RAB14: variants seen among roughly 807,000 people sequenced by gnomAD.
RAB14 encodes RAB14, member RAS oncogene family.
A neutral mutation model predicts 31.1 loss-of-function variants in RAB14; 3 were observed. The ratio of observed to expected loss-of-function variants is 0.10; its 90% CI spans 0.04 to 0.25. The LOEUF (loss-of-function observed/expected upper bound fraction) is 0.25, where lower values mean the gene tolerates loss of function less well. RAB14 is among the 10% of genes least tolerant of loss of function. The probability of loss-of-function intolerance (pLI) is 1.00; values close to 1 mark genes in which losing one functional copy is unlikely to be tolerated. For missense variants in RAB14, 111 were observed against 260.1 expected (o/e 0.43, Z 3.94); for synonymous variants, 85 against 84.9 (o/e 1.00, Z 0.00).
chr9:121,190,326 C>A (rs76874058), intron 4 of RAB14, among the ~76,000 whole-genome samples: 2 of 151,994 alleles, frequency 1.3e-5, no homozygotes, highest in Admixed American at 6.6e-5. Context: ...CTTCTATTAG[C>A]TTCACCCAAT....
chr9:121,189,788 G>A (rs1175835162), intron 4 of RAB14, among the ~76,000 whole-genome samples: 8 of 151,914 alleles, frequency 5.3e-5, no homozygotes, highest in Admixed American at 4.6e-4. Context: ...GGTCCCACTC[G>A]CCCATCTTTA....
intron 1 of RAB14, among the ~76,000 whole-genome samples, chr9:121,195,942 G>A (rs545719174): frequency 2.0e-5 from 3 of 151,980 alleles, no homozygotes; most frequent in African/African-American, 7.3e-5. Context: ...TACTAAATAG[G>A]CTTAATGTTG....
At chr9:121,198,283 C>T (rs973286793) in intron 1 of RAB14, among the ~76,000 whole-genome samples, 4 of 151,978 alleles carry the variant, frequency 2.6e-5, no homozygotes, top group Non-Finnish European at 4.4e-5. Context: ...CATAATATTC[C>T]CAACATTATT....
At chr9:121,198,002 C>G (rs1332598605) in intron 1 of RAB14, among the ~76,000 whole-genome samples, 1 of 145,084 alleles carries the variant, frequency 6.9e-6, no homozygotes, top group Non-Finnish European at 1.5e-5. Context: ...TTTTATGCAA[C>G]AGCATACCCC....
Position 121,181,585 on chromosome 9 carries a change from T to C in RAB14, c.471-12A>G, listed in dbSNP as rs1470820916. ...CTACATTCTCTCCCCTAAGAGGCAA[T>C]TGATAACTTTATTGGAGAACCACAG... On this transcript the variant is annotated splice_polypyrimidine_tract_variant and intron_variant, in intron 7 of 7. Coordinates refer to ENST00000373840, the MANE Select transcript of RAB14 (RefSeq NM_016322.4). 5.6e-6 allele frequency: 9 copies of C among 1,594,248 alleles called. No homozygotes were observed. The highest frequency in any genetic ancestry group is 2.2e-5 in the East Asian group (1 of 44,478).
In RAB14 at chr9:121,197,628, T is replaced by G. The variant is rs117812385; in HGVS notation, c.-8+4011A>C. Among the ~76,000 whole-genome samples the G allele has an allele frequency of 2.2e-4, 34 of 152,350 alleles. 2 individuals carry two copies. In the East Asian group the frequency reaches 6.5e-3, roughly 29 times the overall value. ...TACACAGACATATAAACGACTAGTTTTGAAACATGTAGGTACAGATGTGAA... is the reference window on the plus strand; with the variant it reads ...TACACAGACATATAAACGACTAGTTGTGAAACATGTAGGTACAGATGTGAA... On this transcript the variant is annotated intron_variant, in intron 1 of 7. Transcript: ENST00000373840.
At position 121,180,107 on chromosome 9, in the gene RAB14, T is replaced by A. The variant is rs1051972583; in HGVS notation, c.*1289A>T. 3 of 152,646 alleles carry A rather than the reference T, an allele frequency of 2.0e-5. No homozygotes were observed. Among genetic ancestry groups the A allele is most frequent in the Non-Finnish European group, 4.4e-5 (3 of 68,044 alleles). The allele number at this position is 152,646 out of a possible 1,614,324, so 9.5% of individuals were successfully genotyped here. On this transcript the variant is annotated 3_prime_UTR_variant, in exon 8 of 8. Transcript: ENST00000373840. ...CGCTGAAACACCTTTAGAAACACTT[T>A]CCCTTTTACAAAACAATTTATGCCA... is the stretch of plus-strand genomic sequence containing the variant.
In RAB14 at chr9:121,193,310, T is replaced by C. The variant is rs747613679; in HGVS notation, c.52+51A>G. 4.8e-6 allele frequency: 6 copies of C among 1,260,434 alleles called. No homozygotes were observed. The Admixed American group carries it at 9.2e-5, about 19-fold the overall frequency. 78.1% of individuals were successfully genotyped at this position (1,260,434 alleles called of 1,614,324 possible). A position where few individuals can be genotyped will look rare whatever the true frequency, so the allele number is the denominator to read the frequency against. Reference sequence around the variant, plus strand: ...GTTTAAGTATTAACATATAAATATTTTGTATGTTAACCTTCTTTTGGGAAC... The same window carrying C: ...GTTTAAGTATTAACATATAAATATTCTGTATGTTAACCTTCTTTTGGGAAC... On this transcript the variant is annotated intron_variant, in intron 2 of 7. Transcript: ENST00000373840.
Position 121,180,100 on chromosome 9 carries a change from A to G in RAB14, c.*1296T>C, listed in dbSNP as rs2053624996. 1 of 152,674 alleles carries G rather than the reference A, an allele frequency of 6.5e-6. No individual in the cohort carries two copies. The highest frequency in any genetic ancestry group is 2.1e-4 in the South Asian group (1 of 4,830). The allele number at this position is 152,674 out of a possible 1,614,324, so 9.5% of individuals were successfully genotyped here. A position where few individuals can be genotyped will look rare whatever the true frequency, so the allele number is the denominator to read the frequency against. ...GCACAAGCGCTGAAACACCTTTAGAAACACTTTCCCTTTTACAAAACAATT... is the reference window on the plus strand; with the variant it reads ...GCACAAGCGCTGAAACACCTTTAGAGACACTTTCCCTTTTACAAAACAATT... On this transcript the variant is annotated 3_prime_UTR_variant, in exon 8 of 8. Transcript: ENST00000373840.
chr9:121,199,506 C>T (rs368392378), intron 1 of RAB14, among the ~76,000 whole-genome samples: 12 of 152,084 alleles, frequency 7.9e-5, no homozygotes, highest in African/African-American at 2.9e-4. Flanking sequence ...TTTTATTTAC[C>T]TTAATCAAGT....
intron 7 of RAB14, 22 bp downstream of exon 7, chr9:121,182,908 T>A: frequency 6.3e-7 from 1 of 1,593,634 alleles, no homozygotes; most frequent in Non-Finnish European, 8.6e-7. Context: ...AATTGAAATA[T>A]CTGTATTTTG....
intron 5 of RAB14, among the ~76,000 whole-genome samples, chr9:121,184,135 A>G (rs2053647678): frequency 6.6e-6 from 1 of 152,180 alleles, no homozygotes; most frequent in East Asian, 1.9e-4. Flanking sequence ...TGAGATCTTG[A>G]GACAAATACT....
At position 121,181,337 on chromosome 9, in the gene RAB14, G is replaced by A; in HGVS notation, c.*59C>T. ...ACAGAAGACAATGAGGCAGTAAAAA[G>A]TACTGCTTCCAACAGACAGAGGTGA... On this transcript the variant is annotated 3_prime_UTR_variant, in exon 8 of 8. Transcript: ENST00000373840. The A allele has an allele frequency of 2.1e-6, 3 of 1,437,230 alleles. No homozygotes were observed. Among genetic ancestry groups the A allele is most frequent in the Non-Finnish European group, 2.8e-6 (3 of 1,067,500 alleles). 89.0% of individuals were successfully genotyped at this position (1,437,230 alleles called of 1,614,324 possible). A position where few individuals can be genotyped will look rare whatever the true frequency, so the allele number is the denominator to read the frequency against.
chr9:121,198,947 A>AC (rs1229043876), intron 1 of RAB14, among the ~76,000 whole-genome samples: 1 of 151,784 alleles, frequency 6.6e-6, no homozygotes, highest in Non-Finnish European at 1.5e-5. Context: ...TTAAAAAAAA[A>AC]ACCTTACTTT....
intron 5 of RAB14, among the ~76,000 whole-genome samples, chr9:121,183,877 G>A (rs776046685): frequency 2.0e-5 from 3 of 152,114 alleles, no homozygotes; most frequent in Non-Finnish European, 2.9e-5. Flanking sequence ...AAGCTCCAGG[G>A]GATCTGTAAA....
chr9:121,190,779 A>C (rs867091135), intron 3 of RAB14, 48 bp from the exon 4 acceptor site: 7 of 1,577,378 alleles, frequency 4.4e-6, no homozygotes, highest in Middle Eastern at 1.7e-4. Flanking sequence ...GAAAACTTCA[A>C]ATTAAGCCTA....
intron 1 of RAB14, among the ~76,000 whole-genome samples, chr9:121,197,406 A>AAAATGTATTTT (rs2053723862): frequency 6.6e-6 from 1 of 152,198 alleles, no homozygotes. Flanking sequence ...GTTAAGGTGA[A>AAAATGTATTTT]AAATGTATTT....
chr9:121,187,304 G>A (rs1450327026), intron 4 of RAB14, among the ~76,000 whole-genome samples: 1 of 151,888 alleles, frequency 6.6e-6, no homozygotes, highest in Non-Finnish European at 1.5e-5. Flanking sequence ...AAGCAAGCAA[G>A]GAACAACACA....
intron 3 of RAB14, 111 bp from the exon 4 acceptor site, chr9:121,190,842 T>TA: frequency 1.0e-6 from 1 of 1,001,110 alleles, no homozygotes. Context: ...TTACAGGCTA[T>TA]AAATAGACTA....
Sources: allele counts gnomAD v4.1 joint callset (sites outside exome capture counted in the v4.1 genomes callset), GRCh38; gene constraint gnomAD v4.1.1; transcripts MANE v1.5; gene names NCBI Gene and HGNC (gene_info 2026-07-23, HGNC 2026-07-21).